Variants in RIC1 observed in about 807,000 individuals in gnomAD.
RIC1 encodes guanine nucleotide exchange factor subunit RIC1.
RIC1 carries 88 observed loss-of-function variants against 169.0 expected under a neutral mutation model. The ratio of observed to expected loss-of-function variants is 0.52; its 90% CI spans 0.44 to 0.62. The LOEUF (loss-of-function observed/expected upper bound fraction) is 0.62. Among genes scored for constraint, RIC1 ranks in the 20% least tolerant of loss-of-function variants. The pLI is 0.00. For missense variants in RIC1, 1,877 were observed against 1,725.5 expected, an observed-to-expected ratio of 1.09 and a Z score of -1.56; for synonymous variants, 790 against 601.5, an observed-to-expected ratio of 1.31 and a Z score of -4.59.
intron 3 of RIC1, among the ~76,000 whole-genome samples, chr9:5,708,012 A>AT (rs889929458): frequency 2.0e-5 from 3 of 150,782 alleles, no homozygotes; most frequent in Admixed American, 1.3e-4. Flanking sequence ...TGTTGGTTTG[A>AT]TTTTTTTGCA....
intron 1 of RIC1, among the ~76,000 whole-genome samples, chr9:5,642,686 A>G (rs1031806824): frequency 2.1e-5 from 3 of 144,946 alleles, no homozygotes; most frequent in Non-Finnish European, 4.5e-5. Context: ...CCACAGGGCC[A>G]TAGTGGGTTC....
At chr9:5,777,420 TTGAG>T (rs905125657), downstream of RIC1, among the ~76,000 whole-genome samples, 31 of 150,774 alleles carry the variant, frequency 2.1e-4, no homozygotes, top group African/African-American at 2.7e-4. Flanking sequence ...AAAAAACAAA[TTGAG>T]TGGTGAGAAT....
intron 1 of RIC1, among the ~76,000 whole-genome samples, chr9:5,647,047 C>A (rs1466558658): frequency 1.3e-5 from 2 of 152,172 alleles, no homozygotes; most frequent in Non-Finnish European, 2.9e-5. Flanking sequence ...TTTCCCAGCA[C>A]TGTTTGTTGA....
Position 5,770,235 on chromosome 9 carries a change from A to G in RIC1, c.3573A>G (p.Gly1191=). The G allele has an allele frequency of 1.2e-6, 2 of 1,613,906 alleles. No individual in the cohort carries two copies. The highest frequency in any genetic ancestry group is 1.7e-6 in the Non-Finnish European group (2 of 1,179,866). The part of the protein sequence containing the change: ...HHEIDTASSH[G]PQMQDAFLSP... ...AGATAGACACAGCTTCATCCCATGG[A>G]CCACAAATGCAAGATGCCTTCTTGT... The change falls in exon 23 of 26, where the codon GGA becomes GGG. Residue 1191 remains glycine, a synonymous_variant. Transcript: ENST00000414202.
chr9:5,756,184 T>A (rs747168565), intron 15 of RIC1, 28 bp from the exon 16 acceptor site: 2 of 1,458,168 alleles, frequency 1.4e-6, no homozygotes, highest in African/African-American at 2.8e-5. Flanking sequence ...CTTGTTTTTA[T>A]AATTTTCTTC....
chr9:5,693,431 G>T (rs1306564098), intron 3 of RIC1, among the ~76,000 whole-genome samples: 2 of 152,106 alleles, frequency 1.3e-5, no homozygotes, highest in African/African-American at 4.8e-5. Context: ...TTGGGAGTCA[G>T]TCTATAACAA....
At chr9:5,743,633 T>C in intron 9 of RIC1, 56 bp from the exon 10 acceptor site, 1 of 1,307,672 alleles carries the variant, frequency 7.6e-7, no homozygotes, top group Non-Finnish European at 1.1e-6. Flanking sequence ...CTAAATTTTA[T>C]GTGTATTATA....
rs1271806625 is a variant in RIC1, at chr9:5,775,194, CTTA to C, written c.*951_*953del. On this transcript the variant is annotated 3_prime_UTR_variant, in exon 26 of 26. Coordinates refer to ENST00000414202, the MANE Select transcript of RIC1 (RefSeq NM_020829.4). ...AGTTTTGTGCAAATTAACATAGTCT[CTTA>C]TTTATTGCTTTTGTAAATTGAATAA... is the stretch of plus-strand genomic sequence containing the variant. 6.6e-6 allele frequency: 1 copy of C among 152,144 alleles called. No individual in the cohort carries two copies. The highest frequency in any genetic ancestry group is 1.5e-5 in the Non-Finnish European group (1 of 68,016). The allele number at this position is 152,144 out of a possible 1,614,324, so 9.4% of individuals were successfully genotyped here.
chr9:5,673,336 T>A (rs1175250547), intron 2 of RIC1, among the ~76,000 whole-genome samples: 1 of 151,594 alleles, frequency 6.6e-6, no homozygotes, highest in East Asian at 1.9e-4. Context: ...GAAATTAAAA[T>A]AAGACCATTT....
intron 2 of RIC1, among the ~76,000 whole-genome samples, chr9:5,675,697 A>G (rs1181432179): frequency 6.6e-6 from 1 of 150,510 alleles, no homozygotes; most frequent in Non-Finnish European, 1.5e-5. Flanking sequence ...TGGGAATTTT[A>G]GGGGGGAAAA....
intron 8 of RIC1, among the ~76,000 whole-genome samples, chr9:5,739,916 A>C (rs1334912852): frequency 1.3e-5 from 2 of 152,168 alleles, no homozygotes; most frequent in African/African-American, 4.8e-5. Flanking sequence ...GAGGCTGTGC[A>C]TGCACCTTTT....
At chr9:5,634,430 G>T (rs1186243189) in intron 1 of RIC1, among the ~76,000 whole-genome samples, 1 of 152,162 alleles carries the variant, frequency 6.6e-6, no homozygotes, top group Non-Finnish European at 1.5e-5. Context: ...ATCCTAACAG[G>T]TGTGAGGTAT....
At chr9:5,679,249 A>G (rs764151249) in intron 2 of RIC1, among the ~76,000 whole-genome samples, 1 of 152,192 alleles carries the variant, frequency 6.6e-6, no homozygotes, top group Non-Finnish European at 1.5e-5. Flanking sequence ...ATAGCCTTAT[A>G]GTATAGTTTG....
In RIC1 at chr9:5,775,119, G is replaced by C. The variant is rs572522326; in HGVS notation, c.*873G>C. On this transcript the variant is annotated 3_prime_UTR_variant, in exon 26 of 26. Coordinates refer to ENST00000414202, the MANE Select transcript of RIC1 (RefSeq NM_020829.4). ...AAAACTGAGGAAGACAGGTTTATTG[G>C]CTTGGTCATGAAGTAACAGAAATGG... 4 of 152,126 alleles carry C rather than the reference G, an allele frequency of 2.6e-5. No individual in the cohort carries two copies. The highest frequency in any genetic ancestry group is 5.9e-5 in the Non-Finnish European group (4 of 68,018). 9.4% of individuals were successfully genotyped at this position (152,126 alleles called of 1,614,324 possible). A position where few individuals can be genotyped will look rare whatever the true frequency, so the allele number is the denominator to read the frequency against.
chr9:5,769,960 G>A (rs777799377), intron 22 of RIC1, 127 bp from the exon 23 acceptor site: 12 of 776,280 alleles, frequency 1.5e-5, no homozygotes, highest in African/African-American at 1.0e-4. Flanking sequence ...GTACAGGACA[G>A]TAATTGCCTT....
In RIC1 at chr9:5,762,533, A is replaced by T. The variant is rs1543526; in HGVS notation, c.1993-8A>T. The T allele has an allele frequency of 6.2e-7, 1 of 1,611,342 alleles. No individual in the cohort carries two copies. The highest frequency in any genetic ancestry group is 8.5e-7 in the Non-Finnish European group (1 of 1,179,110). On this transcript the variant is annotated splice_region_variant and splice_polypyrimidine_tract_variant and intron_variant, in intron 17 of 25. Transcript: ENST00000414202. ...GTATGAATTTAGCTGCTTTTTCTTAAATTTCAGGCTCGTGGTGCAGAGAGC... is the reference window on the plus strand; with the variant it reads ...GTATGAATTTAGCTGCTTTTTCTTATATTTCAGGCTCGTGGTGCAGAGAGC...
chr9:5,647,852 C>T (rs1818593344), intron 1 of RIC1, among the ~76,000 whole-genome samples: 1 of 151,572 alleles, frequency 6.6e-6, no homozygotes, highest in Non-Finnish European at 1.5e-5. Flanking sequence ...TCCATCTTTT[C>T]ACCATTGAGT....
intron 2 of RIC1, among the ~76,000 whole-genome samples, chr9:5,670,343 A>T (rs1264024212): frequency 3.9e-5 from 6 of 152,186 alleles, no homozygotes; most frequent in African/African-American, 7.2e-5. Flanking sequence ...AGAATTGGTG[A>T]ATGCTCTTAG....
chr9:5,701,807 T>C (rs941292941), intron 3 of RIC1, among the ~76,000 whole-genome samples: 1 of 152,140 alleles, frequency 6.6e-6, no homozygotes, highest in African/African-American at 2.4e-5. Context: ...CCATCATAAT[T>C]AAAATATTGA....
Sources: gnomAD v4.1 joint callset for allele counts (sites outside exome capture counted in the v4.1 genomes callset) on GRCh38, gnomAD v4.1.1 for gene constraint, MANE v1.5 for transcripts, NCBI Gene and HGNC (gene_info 2026-07-23, HGNC 2026-07-21) for gene names.